LMO7: variants seen among roughly 807,000 people sequenced by gnomAD.
LMO7 encodes LIM domain only protein 7.
Under a neutral mutation model 206.5 loss-of-function variants are expected in LMO7, and 120 were observed. The ratio of observed to expected loss-of-function variants is 0.58; its 90% CI spans 0.50 to 0.68. LMO7 has a LOEUF of 0.68. Among genes scored for constraint, LMO7 ranks in the 30% least tolerant of loss-of-function variants. The pLI, the probability that LMO7 is intolerant of heterozygous loss-of-function variation, is 0.00. For synonymous variants in LMO7, 706 were observed against 681.5 expected (o/e 1.04, Z -0.56); for missense variants, 1,959 against 1,957.9 (o/e 1.00, Z -0.01).
At chr13:75,760,885 CTG>C (rs750205180) in intron 3 of LMO7, 45 bp from the exon 4 acceptor site, 8 of 1,608,880 alleles carry the variant, frequency 5.0e-6, no homozygotes, top group African/African-American at 1.3e-5. Context: ...TAACCTTTGT[CTG>C]AGAGAGAGCT....
At chr13:75,709,090 T>A (rs1356824448) in intron 1 of LMO7, among the ~76,000 whole-genome samples, 19 of 152,162 alleles carry the variant, frequency 1.2e-4, no homozygotes, top group African/African-American at 3.9e-4. Flanking sequence ...GAATGATGGT[T>A]TCCAGCTTCA....
chr13:75,662,094 A>C (rs1468264388), intron 1 of LMO7, among the ~76,000 whole-genome samples: 3 of 152,176 alleles, frequency 2.0e-5, no homozygotes, highest in African/African-American at 7.2e-5. Flanking sequence ...TCATATGTTA[A>C]ACTTTATGGA....
intron 15 of LMO7, among the ~76,000 whole-genome samples, chr13:75,826,093 T>C (rs2138616434): frequency 6.6e-6 from 1 of 152,252 alleles, no homozygotes; most frequent in East Asian, 1.9e-4. Context: ...CAGGCTGTAG[T>C]GCAGTGGCAT....
chr13:75,734,524 G>T (rs964614469), intron 3 of LMO7, among the ~76,000 whole-genome samples: 2 of 152,154 alleles, frequency 1.3e-5, no homozygotes, highest in Non-Finnish European at 2.9e-5. Context: ...GATGTTAAAG[G>T]CATGGGTAAT....
chr13:75,658,061 T>A (rs78179993), intron 1 of LMO7, among the ~76,000 whole-genome samples: 2 of 146,554 alleles, frequency 1.4e-5, no homozygotes, highest in South Asian at 4.3e-4. Context: ...CCGTTTTGGC[T>A]TTTTTTTTTT....
chr13:75,655,071 A>T (rs921786666), intron 1 of LMO7, among the ~76,000 whole-genome samples: 2 of 152,014 alleles, frequency 1.3e-5, no homozygotes, highest in African/African-American at 4.8e-5. Flanking sequence ...GGGTTTCACC[A>T]TGTTGGCCAG....
intron 3 of LMO7, among the ~76,000 whole-genome samples, chr13:75,749,223 C>T (rs1395659919): frequency 6.6e-6 from 1 of 152,124 alleles, no homozygotes; most frequent in African/African-American, 2.4e-5. Flanking sequence ...AATTTCTAGC[C>T]GGCTTTAAAG....
intron 28 of LMO7, among the ~76,000 whole-genome samples, chr13:75,853,743 T>C (rs2060683831): frequency 6.6e-6 from 1 of 152,328 alleles, no homozygotes; most frequent in African/African-American, 2.4e-5. Context: ...CTTCTCAAAT[T>C]TCTGAGTGAA....
intron 3 of LMO7, among the ~76,000 whole-genome samples, chr13:75,731,337 G>C (rs1411719382): frequency 6.6e-6 from 1 of 152,094 alleles, no homozygotes; most frequent in Non-Finnish European, 1.5e-5. Context: ...TATATATTTA[G>C]GATAGTTAGC....
chr13:75,754,524 G>T (rs954475069), intron 3 of LMO7, among the ~76,000 whole-genome samples: 1 of 152,122 alleles, frequency 6.6e-6, no homozygotes, highest in African/African-American at 2.4e-5. Flanking sequence ...ATATATACCT[G>T]GGGGAAGGCA....
At chr13:75,634,731 A>G (rs541027063), upstream of LMO7, among the ~76,000 whole-genome samples, 32 of 152,058 alleles carry the variant, frequency 2.1e-4, no homozygotes, top group African/African-American at 7.5e-4. Context: ...CGACAGAGCG[A>G]GACTCCTCAA....
At chr13:75,768,891 TA>T (rs2049252192) in intron 4 of LMO7, among the ~76,000 whole-genome samples, 1 of 152,108 alleles carries the variant, frequency 6.6e-6, no homozygotes, top group Non-Finnish European at 1.5e-5. Flanking sequence ...CTTTATTCAT[TA>T]AATGCTATTA....
chr13:75,654,117 T>C (rs2037823069), intron 1 of LMO7, among the ~76,000 whole-genome samples: 1 of 152,190 alleles, frequency 6.6e-6, no homozygotes, highest in African/African-American at 2.4e-5. Flanking sequence ...TATATTAAAA[T>C]TTCTAGCAGG....
intron 1 of LMO7, among the ~76,000 whole-genome samples, chr13:75,656,928 C>T (rs2038112681): frequency 6.6e-6 from 1 of 152,210 alleles, no homozygotes; most frequent in Non-Finnish European, 1.5e-5. Flanking sequence ...TGTTGAAACC[C>T]TAGCCCCCGG....
At chr13:75,838,876 G>A (rs181600418) in intron 20 of LMO7, among the ~76,000 whole-genome samples, 176 of 152,248 alleles carry the variant, frequency 1.2e-3, no homozygotes, top group African/African-American at 4.2e-3. Flanking sequence ...CATGAATGCC[G>A]TTCAAGCTCT....
At chr13:75,650,729 T>G (rs2037472790) in intron 1 of LMO7, among the ~76,000 whole-genome samples, 1 of 152,248 alleles carries the variant, frequency 6.6e-6, no homozygotes, top group Non-Finnish European at 1.5e-5. Flanking sequence ...TAAATTGATT[T>G]TTTTGTCTCT....
chr13:75,842,081 C>G (rs2059594956), intron 24 of LMO7, 98 bp downstream of exon 24: 2 of 866,280 alleles, frequency 2.3e-6, no homozygotes, highest in Admixed American at 5.7e-5. Flanking sequence ...CACCCATTCT[C>G]CACACAAGTG....
intron 3 of LMO7, among the ~76,000 whole-genome samples, chr13:75,730,426 G>A (rs1382604655): frequency 4.6e-5 from 7 of 152,096 alleles, no homozygotes; most frequent in Non-Finnish European, 1.0e-4. Context: ...AGAGGGTTTT[G>A]TAGTATTCTC....
chr13:75,840,489 A>G lies in LMO7; in HGVS notation c.3576A>G (p.Leu1192=). Residue 1192 remains leucine (L), a synonymous_variant, in exon 22 of 31, where the codon CTA becomes CTG. Transcript: ENST00000377534. ...GGTGGCAGAAGGAGCAGGACCGCCT[A>G]CTGCAGGTAGCTCTGGCTCACGTGG... ...QERWQKEQDR[L]LQEKYQREQE... is the part of the protein sequence containing the mutation. 1 of 1,613,558 alleles carries G rather than the reference A, an allele frequency of 6.2e-7. No homozygotes were observed.
Sources: allele counts gnomAD v4.1 joint callset (sites outside exome capture counted in the v4.1 genomes callset), GRCh38; gene constraint gnomAD v4.1.1; transcripts MANE v1.5; gene names NCBI Gene and HGNC (gene_info 2026-07-23, HGNC 2026-07-21).